Variants in DCDC1 observed in about 807,000 individuals in gnomAD.
DCDC1 encodes doublecortin domain-containing protein 1.
Under a neutral mutation model 178.3 loss-of-function variants are expected in DCDC1, and 200 were observed. That is an observed-to-expected ratio of 1.12 (90% CI 1.00 to 1.26). DCDC1 has a LOEUF of 1.26. DCDC1 is among the 50% of genes most tolerant of loss of function. The pLI is 0.00. For missense variants in DCDC1, 1,983 were observed against 1,749.2 expected (o/e 1.13, Z -2.38); for synonymous variants, 690 against 604.8 (o/e 1.14, Z -2.07).
chr11:31,055,486 C>A (rs1253552642), intron 20 of DCDC1, among the ~76,000 whole-genome samples: 2 of 152,182 alleles, frequency 1.3e-5, no homozygotes, highest in African/African-American at 4.8e-5. Context: ...TTTGATCCAG[C>A]AATCGCACTA....
chr11:31,189,975 T>C (rs1271873190), intron 9 of DCDC1, among the ~76,000 whole-genome samples: 1 of 152,194 alleles, frequency 6.6e-6, no homozygotes. Flanking sequence ...TAATCAGAGA[T>C]ATTGAAGAGC....
rs145429150 is a variant in DCDC1, at chr11:31,178,817, C to T, written c.1222-41033G>A. The stretch of plus-strand genomic sequence containing the variant: ...AAGCAATTCTCCTGCCTCAGCCTCC[C>T]GAGTAGGTAGGATTACAGGCGCCTG... On this transcript the variant is annotated intron_variant, in intron 9 of 38. Coordinates refer to ENST00000684477, the MANE Select transcript of DCDC1 (RefSeq NM_001387274.1). Among the ~76,000 whole-genome samples the T allele has an allele frequency of 4.2e-4, 64 of 152,154 alleles. No individual in the cohort carries two copies. In the East Asian group the frequency reaches 0.011, roughly 25 times the overall value.
At chr11:31,010,933 G>A (rs1369228820) in intron 20 of DCDC1, among the ~76,000 whole-genome samples, 1 of 152,004 alleles carries the variant, frequency 6.6e-6, no homozygotes, top group African/African-American at 2.4e-5. Context: ...TTTAGAATAT[G>A]TAAACTAATA....
chr11:30,924,114 A>T (rs547046259), intron 23 of DCDC1, among the ~76,000 whole-genome samples: 16 of 152,288 alleles, frequency 1.1e-4, no homozygotes, highest in Middle Eastern at 3.4e-3. Flanking sequence ...GGCCTCATCT[A>T]TACTTACCAT....
At chr11:31,056,647 T>G (rs147004630) in intron 20 of DCDC1, among the ~76,000 whole-genome samples, 25 of 152,256 alleles carry the variant, frequency 1.6e-4, no homozygotes, top group Admixed American at 1.4e-3. Context: ...AAATTGTATG[T>G]ACCTAATAAT....
intron 7 of DCDC1, among the ~76,000 whole-genome samples, chr11:31,270,096 C>T (rs549097573): frequency 2.6e-5 from 4 of 152,330 alleles, no homozygotes; most frequent in South Asian, 2.1e-4. Flanking sequence ...CCCCAACACA[C>T]TCTCCTCAAA....
At chr11:30,947,197 C>T (rs1378236530) in intron 21 of DCDC1, among the ~76,000 whole-genome samples, 5 of 151,978 alleles carry the variant, frequency 3.3e-5, no homozygotes, top group South Asian at 2.1e-4. Flanking sequence ...CATAAAGATA[C>T]AAAGAGATGA....
intron 17 of DCDC1, among the ~76,000 whole-genome samples, chr11:31,079,645 T>C (rs1189677612): frequency 6.6e-6 from 1 of 152,086 alleles, no homozygotes; most frequent in East Asian, 1.9e-4. Flanking sequence ...CTAAATTGAA[T>C]TGTAGGACAC....
intron 2 of DCDC1, among the ~76,000 whole-genome samples, chr11:31,331,780 C>G (rs984863653): frequency 6.6e-6 from 1 of 152,108 alleles, no homozygotes; most frequent in Non-Finnish European, 1.5e-5. Flanking sequence ...TTCGGTTTGC[C>G]AGTATTTTAT....
intron 20 of DCDC1, among the ~76,000 whole-genome samples, chr11:30,989,951 C>T (rs1031590188): frequency 4.3e-4 from 66 of 152,020 alleles, no homozygotes; most frequent in Non-Finnish European, 1.0e-4. Flanking sequence ...GGTGACTGGT[C>T]ATGTGTGCAG....
At chr11:31,366,268 T>C (rs933346942) in intron 1 of DCDC1, among the ~76,000 whole-genome samples, 5 of 152,186 alleles carry the variant, frequency 3.3e-5, no homozygotes, top group East Asian at 1.9e-4. Context: ...AAGTTTCACA[T>C]AAAATGGATA....
At chr11:31,260,827 G>A (rs969726601) in intron 8 of DCDC1, among the ~76,000 whole-genome samples, 19 of 152,110 alleles carry the variant, frequency 1.2e-4, no homozygotes, top group African/African-American at 1.9e-4. Flanking sequence ...AACCTCCCTC[G>A]AAATCAGACA....
At chr11:30,949,586 C>T (rs544136399) in intron 21 of DCDC1, among the ~76,000 whole-genome samples, 6 of 152,072 alleles carry the variant, frequency 3.9e-5, no homozygotes, top group African/African-American at 9.6e-5. Flanking sequence ...TTCACAATAG[C>T]GAAGACTTGA....
chr11:31,259,773 G>A (rs1439116227), intron 8 of DCDC1, among the ~76,000 whole-genome samples: 1 of 152,198 alleles, frequency 6.6e-6, no homozygotes, highest in Non-Finnish European at 1.5e-5. Flanking sequence ...AGGTCATAGA[G>A]CCTGGTCAAC....
In DCDC1 at chr11:30,903,347, C is replaced by T. The variant is rs1590298638; in HGVS notation, c.4510+135G>A. ...GAAAACAACATGACAATTTCATTGA[C>T]ACTCTTCGGGTCACAAAAGTAGCTT... is the stretch of plus-strand genomic sequence containing the variant. On this transcript the variant is annotated intron_variant, in intron 32 of 38. Transcript: ENST00000684477. 7.5e-6 allele frequency: 6 copies of T among 805,012 alleles called. No homozygotes were observed. In the East Asian group the frequency reaches 1.8e-4, roughly 25 times the overall value. The allele number at this position is 805,012 out of a possible 1,614,324, so 49.9% of individuals were successfully genotyped here. A position where few individuals can be genotyped will look rare whatever the true frequency, so the allele number is the denominator to read the frequency against.
intron 1 of DCDC1, among the ~76,000 whole-genome samples, chr11:31,336,278 T>G (rs563553026): frequency 2.0e-5 from 3 of 152,256 alleles, no homozygotes; most frequent in African/African-American, 7.2e-5. Context: ...GCAAGAAAGT[T>G]TGTCATGCAG....
chr11:31,178,106 C>T (rs890360976), intron 9 of DCDC1, among the ~76,000 whole-genome samples: 1 of 152,154 alleles, frequency 6.6e-6, no homozygotes, highest in African/African-American at 2.4e-5. Flanking sequence ...CATGAAACAT[C>T]TCCAGAACAG....
intron 20 of DCDC1, among the ~76,000 whole-genome samples, chr11:30,994,281 C>T (rs186561128): frequency 1.1e-4 from 17 of 151,950 alleles, no homozygotes; most frequent in African/African-American, 3.4e-4. Flanking sequence ...TACAGCAAAC[C>T]AGGAATAGAA....
At chr11:31,172,263 GA>G (rs1009596657) in intron 9 of DCDC1, among the ~76,000 whole-genome samples, 12 of 151,106 alleles carry the variant, frequency 7.9e-5, no homozygotes, top group Admixed American at 5.9e-4. Context: ...AATATATTTT[GA>G]AAAAAATAAT....
Sources: gnomAD v4.1 joint callset for allele counts (sites outside exome capture counted in the v4.1 genomes callset) on GRCh38, gnomAD v4.1.1 for gene constraint, MANE v1.5 for transcripts, NCBI Gene and HGNC (gene_info 2026-07-23, HGNC 2026-07-21) for gene names.